The following GLYAT variants were observed in gnomAD, a reference collection of about 807,000 sequenced individuals.
GLYAT encodes the protein glycine-N-acyltransferase.
GLYAT carries 25 observed loss-of-function variants against 22.8 expected under a neutral mutation model. The ratio of observed to expected loss-of-function variants is 1.09; its 90% CI spans 0.80 to 1.53. The LOEUF (loss-of-function observed/expected upper bound fraction) is 1.53, where lower values mean the gene tolerates loss of function less well. Ranked by LOEUF, GLYAT falls within the 40% of genes most tolerant of loss-of-function variation. The pLI is 0.00. For synonymous variants in GLYAT, 140 were observed against 122.7 expected, an observed-to-expected ratio of 1.14 and a Z score of -0.93; for missense variants, 411 against 353.9, an observed-to-expected ratio of 1.16 and a Z score of -1.29.
intron 2 of GLYAT, among the ~76,000 whole-genome samples, chr11:58,720,550 T>C (rs1004474014): frequency 2.0e-5 from 3 of 152,024 alleles, no homozygotes; most frequent in Non-Finnish European, 4.4e-5. Flanking sequence ...GGGAGGAACT[T>C]GGTTTATAGT....
chr11:58,710,444 A>G (rs778926396), intron 5 of GLYAT, 146 bp downstream of exon 5: 4 of 769,254 alleles, frequency 5.2e-6, no homozygotes, highest in Non-Finnish European at 8.6e-6. Flanking sequence ...GGAGAGAAAC[A>G]TGTTCTGAGT....
intron 3 of GLYAT, among the ~76,000 whole-genome samples, chr11:58,714,017 A>G (rs1224839894): frequency 6.6e-6 from 1 of 152,122 alleles, no homozygotes; most frequent in Non-Finnish European, 1.5e-5. Flanking sequence ...TGCTTCCCCT[A>G]TGTTGAACCT....
rs1856666399 is a variant in GLYAT at position 58,715,343 on chromosome 11, A to G, written c.162T>C (p.Asn54=). The G allele has an allele frequency of 6.3e-7, 1 of 1,575,396 alleles. No individual in the cohort carries two copies. The highest frequency in any genetic ancestry group is 8.7e-7 in the Non-Finnish European group (1 of 1,145,062). Residue 54 remains asparagine (N), a synonymous_variant, in exon 3 of 6, where the codon AAT becomes AAC. Coordinates refer to ENST00000344743, the MANE Select transcript of GLYAT (RefSeq NM_201648.3). The stretch of plus-strand genomic sequence containing the variant: ...GCTCCTGAGGGCAGACAACCACTGT[A>G]TTAAAATCAGGCCACTTGTCCACCA... The part of the protein sequence containing the change: ...KAVVDKWPDF[N]TVVVCPQEQD...
chr11:58,729,310 C>T (rs1001560265), intron 1 of GLYAT, among the ~76,000 whole-genome samples: 2 of 152,166 alleles, frequency 1.3e-5, no homozygotes, highest in Admixed American at 6.5e-5. Flanking sequence ...CTGTCTCTTA[C>T]GTCCGTCTGA....
At chr11:58,716,643 T>TTA (rs1856684086) in intron 2 of GLYAT, among the ~76,000 whole-genome samples, 2 of 152,132 alleles carry the variant, frequency 1.3e-5, no homozygotes, top group Non-Finnish European at 2.9e-5. Flanking sequence ...TTATTTTTTC[T>TTA]CATTGTTGTG....
chr11:58,720,424 G>C (rs1414913551), intron 2 of GLYAT, among the ~76,000 whole-genome samples: 1 of 152,002 alleles, frequency 6.6e-6, no homozygotes, highest in Non-Finnish European at 1.5e-5. Context: ...TTATAAAACT[G>C]ACATTGCAAG....
chr11:58,724,466 G>T lies in GLYAT; in HGVS notation c.31C>A (p.Leu11Met), dbSNP rs762431372. The T allele has an allele frequency of 6.8e-6, 11 of 1,608,116 alleles. No individual in the cohort carries two copies. Among genetic ancestry groups the T allele is most frequent in the Non-Finnish European group, 9.4e-6 (11 of 1,175,626 alleles). ...CTCAAGGATTTCTCCAGCATCTGCA[G>T]CATCTGGGCACCTTGCAATGGTAAC... MMLPLQGAQM[L>M]QMLEKSLRKS... is the part of the protein sequence containing the mutation. The change falls in exon 2 of 6, where the codon CTG (leucine) becomes ATG (methionine). Residue 11 changes from leucine to methionine, a missense_variant. Coordinates refer to ENST00000344743, the MANE Select transcript of GLYAT (RefSeq NM_201648.3).
chr11:58,727,506 T>C (rs1320379666), intron 1 of GLYAT, among the ~76,000 whole-genome samples: 2 of 152,106 alleles, frequency 1.3e-5, no homozygotes, highest in Non-Finnish European at 2.9e-5. Flanking sequence ...ATCCCAGGCA[T>C]TGCAGTTTTA....
chr11:58,719,403 T>G (rs1856722067), intron 2 of GLYAT, among the ~76,000 whole-genome samples: 2 of 152,014 alleles, frequency 1.3e-5, no homozygotes, highest in African/African-American at 4.8e-5. Context: ...TAACCTTTAT[T>G]AAAGAGTTGG....
rs182060229 is a variant in GLYAT at position 58,719,738 on chromosome 11, G to A, written c.82-4315C>T. ...CTTGGTATGCTTTATAGATGCAGGAGTTAAAGCTCTGTGATTCAATGTTAG... is the reference window on the plus strand; with the variant it reads ...CTTGGTATGCTTTATAGATGCAGGAATTAAAGCTCTGTGATTCAATGTTAG... On this transcript the variant is annotated intron_variant, in intron 2 of 5. Coordinates refer to ENST00000344743, the MANE Select transcript of GLYAT (RefSeq NM_201648.3). Among the ~76,000 whole-genome samples the A allele has an allele frequency of 5.8e-3, 880 of 152,070 alleles. 6 individuals are homozygous for A. Among genetic ancestry groups the A allele is most frequent in the African/African-American group, 0.02 (833 of 41,532 alleles).
chr11:58,719,782 T>A (rs553139297), intron 2 of GLYAT, among the ~76,000 whole-genome samples: 2 of 152,150 alleles, frequency 1.3e-5, no homozygotes, highest in Non-Finnish European at 2.9e-5. Flanking sequence ...TAAAAGCATA[T>A]ACAGGAAGAT....
intron 2 of GLYAT, among the ~76,000 whole-genome samples, chr11:58,722,098 C>A (rs1229669774): frequency 6.6e-6 from 1 of 151,980 alleles, no homozygotes; most frequent in Non-Finnish European, 1.5e-5. Flanking sequence ...AATAATTTGA[C>A]CAAATTTGGG....
rs1413090557 is a variant in GLYAT at position 58,709,879 on chromosome 11, G to A, written c.778C>T (p.Pro260Ser). ...CTGTAGTCTACATGAGAATAGACAG[G>A]AAACCCAAGTTTGCCCAATTTCTGG... The part of the protein sequence containing the change: ...HAQKLGKLGF[P>S]VYSHVDYSNE... Residue 260 changes from proline to serine, a missense_variant, in exon 6 of 6, where the codon CCT becomes TCT. Transcript: ENST00000344743. 4.3e-6 allele frequency: 7 copies of A among 1,614,150 alleles called. No individual in the cohort carries two copies. The highest frequency in any genetic ancestry group is 5.1e-6 in the Non-Finnish European group (6 of 1,179,994).
chr11:58,726,986 T>G (rs948040316), intron 1 of GLYAT, among the ~76,000 whole-genome samples: 1 of 151,560 alleles, frequency 6.6e-6, no homozygotes, highest in East Asian at 1.9e-4. Context: ...CCTTAAGAAG[T>G]GCTGACTCAA....
intron 2 of GLYAT, among the ~76,000 whole-genome samples, chr11:58,721,582 C>T (rs1856750715): frequency 6.6e-6 from 1 of 151,976 alleles, no homozygotes; most frequent in Non-Finnish European, 1.5e-5. Context: ...CACACATGAA[C>T]ACATACACAC....
chr11:58,726,919 G>C (rs972869487), intron 1 of GLYAT, among the ~76,000 whole-genome samples: 1 of 152,080 alleles, frequency 6.6e-6, no homozygotes, highest in African/African-American at 2.4e-5. Flanking sequence ...GGAACCTCTG[G>C]AGGCCTTGGG....
At chr11:58,716,961 G>T (rs891791441) in intron 2 of GLYAT, among the ~76,000 whole-genome samples, 1 of 152,156 alleles carries the variant, frequency 6.6e-6, no homozygotes, top group African/African-American at 2.4e-5. Context: ...GAAGCTTTCA[G>T]GTCACAGATA....
intron 1 of GLYAT, among the ~76,000 whole-genome samples, chr11:58,725,416 G>A (rs1222633838): frequency 3.9e-5 from 6 of 152,158 alleles, no homozygotes; most frequent in African/African-American, 1.4e-4. Context: ...TGTGATGTTT[G>A]GAAGAGAGCA....
At chr11:58,717,123 G>A (rs919693700) in intron 2 of GLYAT, among the ~76,000 whole-genome samples, 3 of 151,580 alleles carry the variant, frequency 2.0e-5, no homozygotes, top group African/African-American at 7.3e-5. Context: ...TAGGGATTTG[G>A]GGGGGCCCAA....
Sources: gnomAD v4.1 joint callset for allele counts (sites outside exome capture counted in the v4.1 genomes callset) on GRCh38, gnomAD v4.1.1 for gene constraint, MANE v1.5 for transcripts, NCBI Gene and HGNC (gene_info 2026-07-23, HGNC 2026-07-21) for gene names.